The following MPRIP variants were observed in gnomAD, a reference collection of about 807,000 sequenced individuals.
MPRIP encodes the protein myosin phosphatase Rho-interacting protein.
MPRIP carries 59 observed loss-of-function variants against 234.9 expected under a neutral mutation model. The ratio of observed to expected loss-of-function variants is 0.25; its 90% CI spans 0.20 to 0.31. MPRIP has a LOEUF of 0.31. MPRIP is among the 10% of genes least tolerant of loss of function. MPRIP has a pLI of 1.00. For missense variants in MPRIP, 2,436 were observed against 3,071.0 expected (o/e 0.79, Z 4.89); for synonymous variants, 1,144 against 1,263.9 (o/e 0.91, Z 2.01).
chr17:17,117,084 C>T, intron 3 of MPRIP, among the ~76,000 whole-genome samples: 1 of 152,210 alleles, frequency 6.6e-6, no homozygotes, highest in East Asian at 1.9e-4. Flanking sequence ...TGAGCCCTGC[C>T]TCTCTGCCAC....
At chr17:17,084,533 ATGAG>A (rs1453685160) in intron 3 of MPRIP, among the ~76,000 whole-genome samples, 1 of 152,236 alleles carries the variant, frequency 6.6e-6, no homozygotes, top group African/African-American at 2.4e-5. Context: ...GGCTCAACTA[ATGAG>A]TGACAGACCT....
chr17:17,085,396 G>C (rs544886646), intron 3 of MPRIP, among the ~76,000 whole-genome samples: 14 of 152,328 alleles, frequency 9.2e-5, no homozygotes, highest in African/African-American at 3.4e-4. Context: ...GTTAATGGGG[G>C]AGGTAGCCCC....
chr17:17,175,425 G>T lies in MPRIP; in HGVS notation c.6870+13G>T. On this transcript the variant is annotated intron_variant, in intron 20 of 23. Transcript: ENST00000651222. The stretch of plus-strand genomic sequence containing the variant: ...CTATGAACTAGAGGTACCATCAGGA[G>T]CCAGGCCCTGCCTGACTCAGCTCTG... 1.9e-6 allele frequency: 3 copies of T among 1,593,560 alleles called. No homozygotes were observed. The highest frequency in any genetic ancestry group is 2.6e-6 in the Non-Finnish European group (3 of 1,169,924).
intron 23 of MPRIP, chr17:17,182,090 G>C (rs1337044757): frequency 6.6e-6 from 1 of 152,286 alleles, no homozygotes; most frequent in Admixed American, 6.5e-5. Context: ...GGATGGGGCC[G>C]TGTTCGCGCT....
chr17:17,067,451 A>G (rs976549629), intron 1 of MPRIP, among the ~76,000 whole-genome samples: 2 of 152,218 alleles, frequency 1.3e-5, no homozygotes, highest in Non-Finnish European at 2.9e-5. Flanking sequence ...TGCGCTGGAC[A>G]AAGGGGAGGC....
At chr17:17,179,666 T>G in intron 22 of MPRIP, 2 of 199,480 alleles carry the variant, frequency 1.0e-5, no homozygotes, top group East Asian at 1.6e-4. Context: ...TCATGGATAA[T>G]GGGGGTAGGG....
intron 4 of MPRIP, among the ~76,000 whole-genome samples, chr17:17,129,194 G>A (rs11869415): frequency 0.023 from 3,439 of 152,222 alleles, 102 homozygotes; most frequent in Middle Eastern, 0.079. Context: ...TAGACGAGGT[G>A]GGTTTGGGTA....
At chr17:17,150,845 C>T (rs1002591407) in intron 12 of MPRIP, among the ~76,000 whole-genome samples, 4 of 151,962 alleles carry the variant, frequency 2.6e-5, no homozygotes, top group African/African-American at 4.8e-5. Context: ...CATCTGCCTC[C>T]ATTTCTTTTT....
In MPRIP at chr17:17,166,688, G is replaced by A. The variant is rs1256091432; in HGVS notation, c.5097G>A (p.Thr1699=). 3.5e-5 allele frequency: 46 copies of A among 1,303,978 alleles called. No homozygotes were observed. Among genetic ancestry groups the A allele is most frequent in the South Asian group, 6.2e-5 (5 of 81,034 alleles). The allele number at this position is 1,303,978 out of a possible 1,614,324, so 80.8% of individuals were successfully genotyped here. The change falls in exon 16 of 24, where the codon ACG becomes ACA. Residue 1699 remains threonine, a synonymous_variant. Coordinates refer to ENST00000651222, the MANE Select transcript of MPRIP (RefSeq NM_001364716.4). The surrounding 1 kb of genome is among the most constrained non-coding windows in gnomAD (Gnocchi z 4.4). ...AGGAGACCCTGCGGGGCACCCAGACGGCCCTGCGGCAGCACAAATGCCTGC... is the reference window on the plus strand; with the variant it reads ...AGGAGACCCTGCGGGGCACCCAGACAGCCCTGCGGCAGCACAAATGCCTGC... ...SIQETLRGTQ[T]ALRQHKCLLR... is the part of the protein sequence containing the mutation.
intron 6 of MPRIP, among the ~76,000 whole-genome samples, chr17:17,136,771 T>C (rs1721709424): frequency 6.6e-6 from 1 of 152,206 alleles, no homozygotes; most frequent in South Asian, 2.1e-4. Context: ...CCTCTGTCAC[T>C]GCACCATCGT....
chr17:17,128,680 C>G (rs1190710045), intron 4 of MPRIP, among the ~76,000 whole-genome samples: 1 of 152,138 alleles, frequency 6.6e-6, no homozygotes. Context: ...CACGTTAGTT[C>G]GTGTCCAACA....
rs75808566 is a variant in MPRIP at position 17,108,654 on chromosome 17, C to T, written c.268-18048C>T. 6.3e-3 allele frequency among the ~76,000 whole-genome samples: 962 copies of T among 152,302 alleles called. 5 individuals are homozygous for T. The highest frequency in any genetic ancestry group is 0.021 in the African/African-American group (888 of 41,538). ...CTAGCCTCTAGAGAGGTCTGGGCCCCCTGAAGCTGCTTCTCCCTGCTGTAG... is the reference window on the plus strand; with the variant it reads ...CTAGCCTCTAGAGAGGTCTGGGCCCTCTGAAGCTGCTTCTCCCTGCTGTAG... On this transcript the variant is annotated intron_variant, in intron 3 of 23. Transcript: ENST00000651222.
chr17:17,172,497 T>C (rs1251668743), intron 17 of MPRIP, among the ~76,000 whole-genome samples: 1 of 152,016 alleles, frequency 6.6e-6, no homozygotes, highest in Non-Finnish European at 1.5e-5. Flanking sequence ...GGGGAGTTCA[T>C]GAAGAATTCT....
At chr17:17,180,624 C>G (rs1321686047) in intron 23 of MPRIP, 1 of 1,613,912 alleles carries the variant, frequency 6.2e-7, no homozygotes, top group South Asian at 1.1e-5. Context: ...TTGAGCAGGT[C>G]TCGTGGGATA....
At chr17:17,086,157 CT>C (rs1209703781) in intron 3 of MPRIP, among the ~76,000 whole-genome samples, 1 of 152,194 alleles carries the variant, frequency 6.6e-6, no homozygotes, top group Non-Finnish European at 1.5e-5. Flanking sequence ...TAGGTGAACT[CT>C]CAGGCACACG....
In MPRIP at chr17:17,191,387, GC is replaced by G. The variant is rs1252253004; in HGVS notation, c.*6494del. 6.6e-6 allele frequency: 1 copy of G among 152,252 alleles called. No individual in the cohort carries two copies. The highest frequency in any genetic ancestry group is 1.5e-5 in the Non-Finnish European group (1 of 68,052). 9.4% of individuals were successfully genotyped at this position (152,252 alleles called of 1,614,324 possible). ...GGGCAGGGCTCTGTGGAGCACTGGA[GC>G]TGTTTGGATTCCCCAGCCCTTTGGT... On this transcript the variant is annotated 3_prime_UTR_variant, in exon 24 of 24. Coordinates refer to ENST00000651222, the MANE Select transcript of MPRIP (RefSeq NM_001364716.4).
At chr17:17,172,017 C>A in intron 17 of MPRIP, 152 bp downstream of exon 17, 2 of 943,550 alleles carry the variant, frequency 2.1e-6, no homozygotes, top group Non-Finnish European at 3.1e-6. Context: ...CACTCTGAGG[C>A]AAAGGCCAAT....
intron 21 of MPRIP, 78 bp from the exon 22 acceptor site, chr17:17,177,172 C>A: frequency 1.4e-6 from 2 of 1,417,410 alleles, no homozygotes; most frequent in Non-Finnish European, 2.0e-6. Context: ...CGTGTTCAGT[C>A]CCCAGGAAGA....
intron 1 of MPRIP, among the ~76,000 whole-genome samples, chr17:17,059,561 C>G (rs2088810176): frequency 6.6e-6 from 1 of 152,244 alleles, no homozygotes; most frequent in Non-Finnish European, 1.5e-5. Context: ...TGTCCCCTGA[C>G]TTCCATTTCT....
Sources: gnomAD v4.1 joint callset for allele counts (sites outside exome capture counted in the v4.1 genomes callset) on GRCh38, gnomAD v4.1.1 for gene constraint, Gnocchi (gnomAD v3.1) non-coding constraint, MANE v1.5 for transcripts, NCBI Gene and HGNC (gene_info 2026-07-23, HGNC 2026-07-21) for gene names.